PHTF2: variants seen among roughly 807,000 people sequenced by gnomAD.
PHTF2 encodes the protein protein PHTF2.
A neutral mutation model predicts 101.2 loss-of-function variants in PHTF2; 60 were observed. That is an observed-to-expected ratio of 0.59 (90% confidence interval 0.48 to 0.73). The LOEUF is 0.73. PHTF2 is among the 30% of genes least tolerant of loss of function. PHTF2 has a pLI of 0.00. For missense variants in PHTF2, 747 were observed against 908.7 expected (o/e 0.82, Z 2.29); for synonymous variants, 311 against 307.3 (o/e 1.01, Z -0.13).
intron 3 of PHTF2, among the ~76,000 whole-genome samples, chr7:77,869,074 A>G (rs1195348388): frequency 6.6e-6 from 1 of 152,160 alleles, no homozygotes; most frequent in Non-Finnish European, 1.5e-5. Flanking sequence ...TGGTTCTGTC[A>G]TTGGTTCTCT....
intron 1 of PHTF2, among the ~76,000 whole-genome samples, chr7:77,803,313 A>G (rs1584335012): frequency 6.6e-6 from 1 of 152,350 alleles, no homozygotes; most frequent in East Asian, 1.9e-4. Flanking sequence ...AGGGGCTGTT[A>G]AAAGTATATC....
intron 5 of PHTF2, among the ~76,000 whole-genome samples, chr7:77,898,774 G>A (rs1801107234): frequency 6.6e-6 from 1 of 151,834 alleles, no homozygotes; most frequent in South Asian, 2.1e-4. Flanking sequence ...CTGAACAGAG[G>A]TTATCTTTAT....
intron 6 of PHTF2, 85 bp from the exon 6 acceptor site, chr7:77,901,677 T>G: frequency 1.5e-6 from 1 of 653,456 alleles, no homozygotes; most frequent in Non-Finnish European, 2.3e-6. Context: ...GTGGTGATGT[T>G]TTTCAAACAT....
At chr7:77,806,116 GT>G (rs984429623) in intron 1 of PHTF2, among the ~76,000 whole-genome samples, 1 of 151,330 alleles carries the variant, frequency 6.6e-6, no homozygotes, top group African/African-American at 2.4e-5. Context: ...GGAGGTGGAG[GT>G]TGCAGTGAGA....
chr7:77,901,140 C>G (rs892995016), intron 6 of PHTF2, among the ~76,000 whole-genome samples: 3 of 152,208 alleles, frequency 2.0e-5, no homozygotes, highest in Non-Finnish European at 2.9e-5. Context: ...AGCCTCAAGC[C>G]ATGAGGGCTT....
chr7:77,931,743 T>C (rs1804589621), intron 12 of PHTF2, among the ~76,000 whole-genome samples: 1 of 152,190 alleles, frequency 6.6e-6, no homozygotes, highest in African/African-American at 2.4e-5. Context: ...TATCATTGCA[T>C]TGTGCATGAT....
At chr7:77,947,125 A>AAAC (rs145896475) in intron 16 of PHTF2, among the ~76,000 whole-genome samples, 19 of 151,608 alleles carry the variant, frequency 1.3e-4, no homozygotes, top group African/African-American at 4.1e-4. Context: ...CTGTCTTTAA[A>AAAC]AACAACAACA....
chr7:77,910,650 T>C (rs1472212892), intron 9 of PHTF2, among the ~76,000 whole-genome samples: 2 of 145,180 alleles, frequency 1.4e-5, no homozygotes, highest in African/African-American at 5.0e-5. Flanking sequence ...TAGGATTTCC[T>C]TTTTTTTTTG....
chr7:77,918,712 C>G (rs1381702953), intron 9 of PHTF2, among the ~76,000 whole-genome samples: 1 of 152,098 alleles, frequency 6.6e-6, no homozygotes, highest in East Asian at 1.9e-4. Flanking sequence ...ATTTTTTGCC[C>G]ATTTTCCTCT....
At chr7:77,850,755 T>C (rs1243610738) in intron 2 of PHTF2, among the ~76,000 whole-genome samples, 2 of 152,066 alleles carry the variant, frequency 1.3e-5, no homozygotes, top group Admixed American at 6.6e-5. Context: ...TTGAGGAAAG[T>C]CTTTCAGCTT....
intron 3 of PHTF2, among the ~76,000 whole-genome samples, chr7:77,857,138 G>A (rs1353800597): frequency 6.6e-6 from 1 of 152,210 alleles, no homozygotes; most frequent in Admixed American, 6.5e-5. Context: ...GGTATGCGCA[G>A]TGACCTAAGC....
At chr7:77,799,804 G>C (rs992642903) in intron 1 of PHTF2, among the ~76,000 whole-genome samples, 1 of 152,148 alleles carries the variant, frequency 6.6e-6, no homozygotes, top group African/African-American at 2.4e-5. Flanking sequence ...GCAGAATCTG[G>C]AACAATTTAT....
chr7:77,883,942 C>G (rs2150759268), intron 3 of PHTF2, among the ~76,000 whole-genome samples: 1 of 152,210 alleles, frequency 6.6e-6, no homozygotes, highest in South Asian at 2.1e-4. Flanking sequence ...TACAGTGCAC[C>G]AACTATATAC....
At chr7:77,830,264 C>A (rs1794979243) in intron 1 of PHTF2, among the ~76,000 whole-genome samples, 1 of 152,166 alleles carries the variant, frequency 6.6e-6, no homozygotes, top group Non-Finnish European at 1.5e-5. Flanking sequence ...AACCTGAAGC[C>A]ACAGATAGTA....
chr7:77,925,746 CAG>C (rs1289369848), intron 11 of PHTF2, among the ~76,000 whole-genome samples: 2 of 151,928 alleles, frequency 1.3e-5, no homozygotes, highest in Non-Finnish European at 2.9e-5. Context: ...CACTCCCAGC[CAG>C]AGTTTTAAAT....
chr7:77,868,769 G>T (rs1798283937), intron 3 of PHTF2, among the ~76,000 whole-genome samples: 1 of 152,126 alleles, frequency 6.6e-6, no homozygotes, highest in Admixed American at 6.5e-5. Flanking sequence ...TCCAACTTCT[G>T]TGTTTTAAAA....
intron 1 of PHTF2, among the ~76,000 whole-genome samples, chr7:77,835,679 C>G (rs1421581040): frequency 2.0e-5 from 3 of 152,030 alleles, no homozygotes; most frequent in Admixed American, 2.0e-4. Flanking sequence ...TTTTGAATCC[C>G]CCAAAATTTA....
At chr7:77,900,885 A>T in intron 6 of PHTF2, 105 bp downstream of exon 5, 1 of 662,512 alleles carries the variant, frequency 1.5e-6, no homozygotes, top group South Asian at 1.7e-5. Context: ...CATTGCTATA[A>T]AGAAATACTT....
chr7:77,924,501 CAA>C (rs1430625128), intron 11 of PHTF2, among the ~76,000 whole-genome samples: 3 of 152,186 alleles, frequency 2.0e-5, no homozygotes, highest in Non-Finnish European at 2.9e-5. Context: ...AGGAAGCTAT[CAA>C]AGACTACCAA....
Sources: gnomAD v4.1 joint callset for allele counts (sites outside exome capture counted in the v4.1 genomes callset) on GRCh38, gnomAD v4.1.1 for gene constraint, MANE v1.5 for transcripts, NCBI Gene and HGNC (gene_info 2026-07-23, HGNC 2026-07-21) for gene names.